ACACA: variants seen among roughly 807,000 people sequenced by gnomAD.
ACACA encodes the protein acetyl-CoA carboxylase 1.
Under a neutral mutation model 296.1 loss-of-function variants are expected in ACACA, and 103 were observed. The ratio of observed to expected loss-of-function variants is 0.35; its 90% CI spans 0.30 to 0.41. ACACA has a LOEUF of 0.41. Ranked by LOEUF, ACACA falls within the 10% of genes least tolerant of loss-of-function variation. ACACA has a pLI of 1.00. For missense variants in ACACA, 1,554 were observed against 2,989.7 expected, an observed-to-expected ratio of 0.52 and a Z score of 11.20; for synonymous variants, 953 against 1,038.6, an observed-to-expected ratio of 0.92 and a Z score of 1.58.
chr17:37,388,560 T>G lies in ACACA; in HGVS notation c.38+17702A>C. 6.1e-6 allele frequency: 8 copies of G among 1,310,336 alleles called. No individual in the cohort carries two copies. In the South Asian group the frequency reaches 9.7e-5, roughly 16 times the overall value. 81.2% of individuals were successfully genotyped at this position (1,310,336 alleles called of 1,614,324 possible). A position where few individuals can be genotyped will look rare whatever the true frequency, so the allele number is the denominator to read the frequency against. The stretch of plus-strand genomic sequence containing the variant: ...AATTCTGCCTCTGCCTCTGGGTTAG[T>G]CTGGGCCTCTAATAGTCTTGTGAGC... On this transcript the variant is annotated intron_variant, in intron 1 of 55. Transcript: ENST00000616317.
At position 37,173,998 on chromosome 17, in the gene ACACA, ATATATATATATATATATATATAT is replaced by A. The variant is rs1298604743; in HGVS notation, c.5079+5239_5079+5261del. Among the ~76,000 whole-genome samples, 49 of 8,316 alleles carry A rather than the reference ATATATATATATATATATATATAT, an allele frequency of 5.9e-3. 3 individuals carry two copies. The highest frequency in any genetic ancestry group is 0.045 in the African/African-American group (49 of 1,084). The allele number at this position is 8,316 out of a possible 152,430, so 5.5% of individuals were successfully genotyped here. A position where few individuals can be genotyped will look rare whatever the true frequency, so the allele number is the denominator to read the frequency against. On this transcript the variant is annotated intron_variant, in intron 41 of 55. Transcript: ENST00000616317. ...CTGGCTAATTTATATATATATATAT[ATATATATATATATATATATATAT>A]TTTTTTTTTTTTTTTTTTTTGTAGC... is the stretch of plus-strand genomic sequence containing the variant.
rs1369655059 is a variant in ACACA at position 37,260,290 on chromosome 17, ATATATATTTTTTTTT to A, written c.1330-775_1330-761del. 2.2e-3 allele frequency among the ~76,000 whole-genome samples: 39 copies of A among 17,562 alleles called. 3 individuals are homozygous for A. Among genetic ancestry groups the A allele is most frequent in the East Asian group, 0.012 (5 of 420 alleles). The allele number at this position is 17,562 out of a possible 152,430, so 11.5% of individuals were successfully genotyped here. A position where few individuals can be genotyped will look rare whatever the true frequency, so the allele number is the denominator to read the frequency against. ...TATATATATATATATATATATATAT[ATATATATTTTTTTTT>A]TTTTTTTTTTTGGAGATGGAGTCTC... is the stretch of plus-strand genomic sequence containing the variant. On this transcript the variant is annotated intron_variant, in intron 11 of 55. Coordinates refer to ENST00000616317, the MANE Select transcript of ACACA (RefSeq NM_198834.3).
Position 37,129,610 on chromosome 17 carries a change from T to C in ACACA, c.5824-125A>G. 7 of 1,293,488 alleles carry C rather than the reference T, an allele frequency of 5.4e-6. No homozygotes were observed. The South Asian group carries it at 8.7e-5, about 16-fold the overall frequency. The allele number at this position is 1,293,488 out of a possible 1,614,324, so 80.1% of individuals were successfully genotyped here. Reference sequence around the variant, plus strand: ...ATGGAATTGCACCCAATAGTCCCAATCTTCAGCTGGAAGAATCCTACGTAT... The same window carrying C: ...ATGGAATTGCACCCAATAGTCCCAACCTTCAGCTGGAAGAATCCTACGTAT... On this transcript the variant is annotated intron_variant, in intron 46 of 55. Transcript: ENST00000616317.
chr17:37,095,595 C>G (rs1260220241), intron 54 of ACACA, among the ~76,000 whole-genome samples: 1 of 152,142 alleles, frequency 6.6e-6, no homozygotes, highest in African/African-American at 2.4e-5. Context: ...GGGCCAGGAC[C>G]CTTCAAGCCA....
intron 3 of ACACA, among the ~76,000 whole-genome samples, chr17:37,314,634 C>CT (rs57554348): frequency 0.031 from 3,361 of 109,944 alleles, 153 homozygotes; most frequent in African/African-American, 0.073. Flanking sequence ...GGAATCCACA[C>CT]TTTTTTTTTT....
intron 1 of ACACA, among the ~76,000 whole-genome samples, chr17:37,351,007 G>A (rs2048873766): frequency 6.6e-6 from 1 of 151,918 alleles, no homozygotes; most frequent in Admixed American, 6.6e-5. Context: ...GTGGAGCGTG[G>A]CGCATGCCCA....
intron 19 of ACACA, among the ~76,000 whole-genome samples, chr17:37,246,186 T>C (rs535852385): frequency 3.9e-5 from 6 of 152,350 alleles, no homozygotes; most frequent in African/African-American, 1.4e-4. Flanking sequence ...TGCTTAGCTC[T>C]CTTAAAATTA....
At position 37,243,467 on chromosome 17, in the gene ACACA, G is replaced by A; in HGVS notation, c.2835C>T (p.Gly945=). The change falls in exon 22 of 56, where the codon GGC becomes GGT. Residue 945 remains glycine (G), a synonymous_variant. Transcript: ENST00000616317. ...ACTTCTCCACATTGGGGGGAATGCG[G>A]CCAGACACACTGGTCATAATATCTT... The part of the protein sequence containing the change: ...ELQDIMTSVS[G]RIPPNVEKSI... 1 of 1,614,146 alleles carries A rather than the reference G, an allele frequency of 6.2e-7. No individual in the cohort carries two copies. Among genetic ancestry groups the A allele is most frequent in the Non-Finnish European group, 8.5e-7 (1 of 1,180,014 alleles).
chr17:37,298,641 C>T (rs748673735), intron 3 of ACACA, among the ~76,000 whole-genome samples: 5 of 152,146 alleles, frequency 3.3e-5, no homozygotes, highest in South Asian at 2.1e-4. Flanking sequence ...GAGCTATGAC[C>T]GCGCCACTGC....
At position 37,168,297 on chromosome 17, in the gene ACACA, GA is replaced by G. The variant is rs1264429722; in HGVS notation, c.5080-6248del. ...GCGGGGTAAAAACAAAAATAAATAAGAAACAGCAAAATGAGGTGATAATTAT... is the reference window on the plus strand; with the variant it reads ...GCGGGGTAAAAACAAAAATAAATAAGAACAGCAAAATGAGGTGATAATTAT... On this transcript the variant is annotated intron_variant, in intron 41 of 55. Coordinates refer to ENST00000616317, the MANE Select transcript of ACACA (RefSeq NM_198834.3). 2.0e-5 allele frequency among the ~76,000 whole-genome samples: 3 copies of G among 152,150 alleles called. No homozygotes were observed. The East Asian group carries it at 5.8e-4, about 29-fold the overall frequency.
At chr17:37,179,980 T>C (rs942463595) in intron 40 of ACACA, among the ~76,000 whole-genome samples, 6 of 152,346 alleles carry the variant, frequency 3.9e-5, no homozygotes, top group Non-Finnish European at 8.8e-5. Context: ...GACACAGACA[T>C]ACCAATTCAT....
intron 40 of ACACA, 63 bp from the exon 41 acceptor site, chr17:37,179,469 A>G (rs1046279640): frequency 1.3e-6 from 2 of 1,572,354 alleles, no homozygotes; most frequent in Admixed American, 1.7e-5. Context: ...AAAAATAATT[A>G]TTAAGATTCA....
At chr17:37,278,589 ATT>A (rs1302812135) in intron 5 of ACACA, among the ~76,000 whole-genome samples, 4 of 152,230 alleles carry the variant, frequency 2.6e-5, no homozygotes, top group African/African-American at 9.7e-5. Context: ...GTTGTACAGT[ATT>A]CCCTTTCAAA....
At chr17:37,272,580 T>C (rs910562206) in intron 9 of ACACA, among the ~76,000 whole-genome samples, 35 of 150,290 alleles carry the variant, frequency 2.3e-4, no homozygotes, top group Non-Finnish European at 4.6e-4. Flanking sequence ...AAAAAGGGGG[T>C]ATCCCATAGG....
chr17:37,380,977 C>T (rs776227494), intron 1 of ACACA, among the ~76,000 whole-genome samples: 69 of 151,646 alleles, frequency 4.6e-4, no homozygotes, highest in Non-Finnish European at 7.9e-4. Flanking sequence ...AAAAGTAAGT[C>T]TCTCTCCTAC....
intron 1 of ACACA, chr17:37,391,538 G>T: frequency 1.1e-6 from 1 of 925,972 alleles, no homozygotes; most frequent in East Asian, 2.4e-5. Context: ...AAAATGAAGT[G>T]CACTTGGAAT....
intron 45 of ACACA, among the ~76,000 whole-genome samples, chr17:37,130,540 G>C (rs191090842): frequency 1.2e-4 from 19 of 152,066 alleles, no homozygotes; most frequent in African/African-American, 4.6e-4. Flanking sequence ...CCTGCACGTT[G>C]TGCACATGTA....
Position 37,330,268 on chromosome 17 carries a change from C to T in ACACA, c.243G>A (p.Glu81=). The T allele has an allele frequency of 6.2e-7, 1 of 1,614,236 alleles. No homozygotes were observed. The highest frequency in any genetic ancestry group is 2.2e-5 in the East Asian group (1 of 44,884). The part of the protein sequence containing the change: ...SNLVKLDLLE[E]KEGSLSPASV... ...AAGCAGGTGACAAGGAGCCCTCCTT[C>T]TCCTCCAGTAGGTCCAACTTCACCA... Residue 81 remains glutamate (E), a synonymous_variant, in exon 3 of 56, where the codon GAG becomes GAA. Coordinates refer to ENST00000616317, the MANE Select transcript of ACACA (RefSeq NM_198834.3).
intron 25 of ACACA, 137 bp downstream of exon 25, chr17:37,234,838 T>C: frequency 1.0e-6 from 1 of 982,450 alleles, no homozygotes; most frequent in Non-Finnish European, 1.5e-6. Flanking sequence ...AAACTGTTAA[T>C]CCACAGCTCA....
Sources: gnomAD v4.1 joint callset for allele counts (sites outside exome capture counted in the v4.1 genomes callset) on GRCh38, gnomAD v4.1.1 for gene constraint, MANE v1.5 for transcripts, NCBI Gene and HGNC (gene_info 2026-07-23, HGNC 2026-07-21) for gene names.